PXDNL: variants seen among roughly 807,000 people sequenced by gnomAD.
PXDNL encodes peroxidasin like.
PXDNL carries 145 observed loss-of-function variants against 150.8 expected under a neutral mutation model. The observed-to-expected ratio is 0.96, with a 90% CI of 0.84 to 1.10. The LOEUF is 1.10. Among genes scored for constraint, PXDNL ranks in the 50% least tolerant of loss-of-function variants. The probability of loss-of-function intolerance (pLI) is 0.00; values close to 1 mark genes in which losing one functional copy is unlikely to be tolerated. For synonymous variants in PXDNL, 757 were observed against 725.7 expected (o/e 1.04, Z -0.69); for missense variants, 2,087 against 1,873.9 (o/e 1.11, Z -2.10).
In PXDNL at chr8:51,331,345, A is replaced by G. The variant is rs374574867; in HGVS notation, c.4146+8279T>C. ...GCCCTGGGAGCTCACTGAATCCCCAAGCAGCCCTTTCCTGCCTGACACTGC... is the reference window on the plus strand; with the variant it reads ...GCCCTGGGAGCTCACTGAATCCCCAGGCAGCCCTTTCCTGCCTGACACTGC... On this transcript the variant is annotated intron_variant, in intron 21 of 22. Transcript: ENST00000356297. Among the ~76,000 whole-genome samples, 18 of 152,286 alleles carry G rather than the reference A, an allele frequency of 1.2e-4. 1 individual carries two copies. The highest frequency in any genetic ancestry group is 4.6e-4 in the Admixed American group (7 of 15,302).
At chr8:51,327,952 A>T (rs1044299561) in intron 21 of PXDNL, among the ~76,000 whole-genome samples, 4 of 152,240 alleles carry the variant, frequency 2.6e-5, no homozygotes, top group Non-Finnish European at 5.9e-5. Flanking sequence ...ATTGAGCCAT[A>T]CTGGTGGGAA....
At chr8:51,539,172 A>G (rs1260196493) in intron 4 of PXDNL, among the ~76,000 whole-genome samples, 1 of 152,148 alleles carries the variant, frequency 6.6e-6, no homozygotes, top group Non-Finnish European at 1.5e-5. Context: ...GTTTTCTGTC[A>G]TGAATGGACA....
chr8:51,624,521 T>C lies in PXDNL; in HGVS notation c.236+30168A>G, dbSNP rs542602366. 3.3e-5 allele frequency among the ~76,000 whole-genome samples: 5 copies of C among 152,240 alleles called. No individual in the cohort carries two copies. The South Asian group carries it at 6.2e-4, about 19-fold the overall frequency. On this transcript the variant is annotated intron_variant, in intron 2 of 22. Coordinates refer to ENST00000356297, the MANE Select transcript of PXDNL (RefSeq NM_144651.5). Reference sequence around the variant, plus strand: ...TTACATTTGTTCTCATAGTCTGTTATAGCTCTGTTGACTAGAAATAATATT... The same window carrying C: ...TTACATTTGTTCTCATAGTCTGTTACAGCTCTGTTGACTAGAAATAATATT...
At chr8:51,534,341 C>A (rs887480375) in intron 4 of PXDNL, among the ~76,000 whole-genome samples, 7 of 146,272 alleles carry the variant, frequency 4.8e-5, no homozygotes, top group Non-Finnish European at 1.0e-4. Flanking sequence ...CCACCCCGTC[C>A]GGGAGGGAGG....
At chr8:51,658,235 A>G (rs953776150) in intron 1 of PXDNL, among the ~76,000 whole-genome samples, 4 of 151,644 alleles carry the variant, frequency 2.6e-5, no homozygotes, top group African/African-American at 7.3e-5. Context: ...GTAGCTACTC[A>G]GGAGGTCGAG....
At chr8:51,487,222 C>A (rs1220260111) in intron 5 of PXDNL, among the ~76,000 whole-genome samples, 1 of 151,986 alleles carries the variant, frequency 6.6e-6, no homozygotes, top group Non-Finnish European at 1.5e-5. Context: ...TGTCTCCTTC[C>A]TGTGACAGAA....
intron 19 of PXDNL, among the ~76,000 whole-genome samples, chr8:51,368,187 T>C (rs574637309): frequency 8.5e-5 from 13 of 152,206 alleles, no homozygotes; most frequent in Middle Eastern, 3.4e-3. Context: ...TCATCAAACA[T>C]AATAAATGAC....
intron 5 of PXDNL, among the ~76,000 whole-genome samples, chr8:51,493,199 C>T (rs568759045): frequency 3.2e-4 from 49 of 152,292 alleles, no homozygotes; most frequent in South Asian, 2.9e-3. Flanking sequence ...CAGCAAACTC[C>T]AACAGACCTG....
At chr8:51,399,484 T>A (rs116361953) in intron 17 of PXDNL, among the ~76,000 whole-genome samples, 171 of 152,256 alleles carry the variant, frequency 1.1e-3, no homozygotes, top group African/African-American at 4.0e-3. Flanking sequence ...AAACAATACA[T>A]ACGGTGTGAT....
intron 2 of PXDNL, among the ~76,000 whole-genome samples, chr8:51,601,063 TA>T (rs1368321644): frequency 6.7e-6 from 1 of 148,718 alleles, no homozygotes; most frequent in Non-Finnish European, 1.5e-5. Flanking sequence ...TTATATCTTA[TA>T]TCAAGATATA....
chr8:51,490,050 T>C (rs542375222), intron 5 of PXDNL, among the ~76,000 whole-genome samples: 1 of 152,310 alleles, frequency 6.6e-6, no homozygotes, highest in East Asian at 1.9e-4. Flanking sequence ...AATGACATGG[T>C]TTATATAATT....
chr8:51,669,110 C>T (rs1202587233), intron 1 of PXDNL, among the ~76,000 whole-genome samples: 1 of 152,136 alleles, frequency 6.6e-6, no homozygotes, highest in East Asian at 1.9e-4. Flanking sequence ...AAAATGTCAA[C>T]TTATTTTCTT....
intron 1 of PXDNL, among the ~76,000 whole-genome samples, chr8:51,764,314 A>T (rs1383275916): frequency 1.4e-5 from 2 of 146,860 alleles, no homozygotes; most frequent in African/African-American, 5.0e-5. Flanking sequence ...CATTTATTTC[A>T]GCTTTGAACT....
chr8:51,731,273 A>G (rs1238080899), intron 1 of PXDNL, among the ~76,000 whole-genome samples: 1 of 152,212 alleles, frequency 6.6e-6, no homozygotes, highest in African/African-American at 2.4e-5. Flanking sequence ...GCCAAAACAA[A>G]GGTGTTACAG....
At chr8:51,642,045 T>A (rs1256883439) in intron 2 of PXDNL, among the ~76,000 whole-genome samples, 3 of 152,096 alleles carry the variant, frequency 2.0e-5, no homozygotes, top group Non-Finnish European at 2.9e-5. Flanking sequence ...GATGAGTTCA[T>A]GTCCTTTGTA....
At chr8:51,746,705 T>C (rs991312813) in intron 1 of PXDNL, among the ~76,000 whole-genome samples, 1 of 152,292 alleles carries the variant, frequency 6.6e-6, no homozygotes. Context: ...CTTCTTGTGG[T>C]TGAAGAAAAT....
intron 17 of PXDNL, among the ~76,000 whole-genome samples, chr8:51,402,338 T>C (rs11777325): frequency 1.3e-5 from 2 of 152,042 alleles, no homozygotes; most frequent in African/African-American, 4.8e-5. Context: ...CCGGCCTGGC[T>C]AACATGGTGA....
rs1408345411 is a variant in PXDNL, at chr8:51,409,232, T to G, written c.2392A>C (p.Ser798Arg). The G allele has an allele frequency of 1.2e-5, 18 of 1,545,908 alleles. No homozygotes were observed. Among genetic ancestry groups the G allele is most frequent in the Non-Finnish European group, 1.4e-5 (16 of 1,150,800 alleles). Residue 798 changes from serine to arginine, a missense_variant, in exon 17 of 23, where the codon AGC (serine) becomes CGC (arginine). Physicochemically the swap from Ser to Arg is moderately radical, Grantham distance 110 (BLOSUM62 -1). Coordinates refer to ENST00000356297, the MANE Select transcript of PXDNL (RefSeq NM_144651.5). ...CAGTGCATGAGCATGCGCGTGTAGC[T>G]GTGGTCGGGGGTGACGGCCGCCGCG... The part of the protein sequence containing the change: ...ARAAAVTPDH[S>R]YTRMLMHWGW...
At chr8:51,754,735 C>T (rs1044003368) in intron 1 of PXDNL, among the ~76,000 whole-genome samples, 2 of 152,120 alleles carry the variant, frequency 1.3e-5, no homozygotes, top group African/African-American at 4.8e-5. Flanking sequence ...GATCTCCTGA[C>T]CTCATGATCT....
Sources: gnomAD v4.1 joint callset for allele counts (sites outside exome capture counted in the v4.1 genomes callset) on GRCh38, gnomAD v4.1.1 for gene constraint, MANE v1.5 for transcripts, NCBI Gene and HGNC (gene_info 2026-07-23, HGNC 2026-07-21) for gene names.